FBXL7: variants seen among roughly 807,000 people sequenced by gnomAD.
FBXL7 encodes the protein F-box/LRR-repeat protein 7.
A neutral mutation model predicts 38.3 loss-of-function variants in FBXL7; 12 were observed. The observed-to-expected ratio is 0.31, with a 90% CI of 0.20 to 0.51. The LOEUF (loss-of-function observed/expected upper bound fraction) is 0.51, where lower values mean the gene tolerates loss of function less well. Ranked by LOEUF, FBXL7 falls within the 20% of genes least tolerant of loss-of-function variation. The probability of loss-of-function intolerance (pLI) is 0.98; values close to 1 mark genes in which losing one functional copy is unlikely to be tolerated. For missense variants in FBXL7, 567 were observed against 676.4 expected, an observed-to-expected ratio of 0.84 and a Z score of 1.79; for synonymous variants, 297 against 300.9, an observed-to-expected ratio of 0.99 and a Z score of 0.13.
intron 2 of FBXL7, among the ~76,000 whole-genome samples, chr5:15,766,923 T>G (rs1356919157): frequency 6.6e-6 from 1 of 152,246 alleles, no homozygotes; most frequent in Non-Finnish European, 1.5e-5. Flanking sequence ...CTAAGCAGCC[T>G]TGGTTTTCCT....
At chr5:15,641,941 T>TG (rs1741378967) in intron 2 of FBXL7, among the ~76,000 whole-genome samples, 7 of 141,522 alleles carry the variant, frequency 4.9e-5, no homozygotes, top group African/African-American at 1.9e-4. Flanking sequence ...ACATAAAACC[T>TG]TGTGTGTGTG....
intron 2 of FBXL7, among the ~76,000 whole-genome samples, chr5:15,682,666 A>G (rs1377736830): frequency 6.6e-6 from 1 of 152,188 alleles, no homozygotes; most frequent in Non-Finnish European, 1.5e-5. Context: ...TGTATTGATC[A>G]AGGAGTAATT....
At chr5:15,632,134 T>C (rs1177965919) in intron 2 of FBXL7, among the ~76,000 whole-genome samples, 1 of 152,198 alleles carries the variant, frequency 6.6e-6, no homozygotes, top group African/African-American at 2.4e-5. Flanking sequence ...TACTAGACTT[T>C]TCAGAGCTTT....
intron 2 of FBXL7, among the ~76,000 whole-genome samples, chr5:15,859,684 A>G (rs1739393094): frequency 6.6e-6 from 1 of 152,056 alleles, no homozygotes; most frequent in Non-Finnish European, 1.5e-5. Flanking sequence ...CACAGGAAAG[A>G]CCTGCCCCCA....
chr5:15,602,238 A>C (rs1329845512), intron 1 of FBXL7: 1 of 152,136 alleles, frequency 6.6e-6, no homozygotes, highest in Admixed American at 6.5e-5. Context: ...TAGTGGAAAC[A>C]AATACGGAGT....
chr5:15,666,302 T>A (rs1472770714), intron 2 of FBXL7, among the ~76,000 whole-genome samples: 1 of 152,210 alleles, frequency 6.6e-6, no homozygotes, highest in Admixed American at 6.5e-5. Flanking sequence ...AAATTTACTG[T>A]CTTAATTATG....
chr5:15,929,653 C>G (rs1465721018), intron 3 of FBXL7, among the ~76,000 whole-genome samples: 1 of 148,970 alleles, frequency 6.7e-6, no homozygotes, highest in African/African-American at 2.5e-5. Flanking sequence ...AAAGAAAAAT[C>G]GAAGGAAATC....
chr5:15,832,181 G>T (rs1302816009), intron 2 of FBXL7, among the ~76,000 whole-genome samples: 1 of 152,154 alleles, frequency 6.6e-6, no homozygotes, highest in East Asian at 1.9e-4. Context: ...TTGTTTTGAA[G>T]CTCTCCTTGT....
chr5:15,717,115 A>G (rs1297093142), intron 2 of FBXL7, among the ~76,000 whole-genome samples: 1 of 152,204 alleles, frequency 6.6e-6, no homozygotes, highest in African/African-American at 2.4e-5. Context: ...AAAGACTTAC[A>G]GATAAAGCAA....
At chr5:15,727,160 C>T (rs1419205022) in intron 2 of FBXL7, among the ~76,000 whole-genome samples, 1 of 152,026 alleles carries the variant, frequency 6.6e-6, no homozygotes, top group Non-Finnish European at 1.5e-5. Context: ...AAAATTACCT[C>T]TTTATACATT....
intron 2 of FBXL7, among the ~76,000 whole-genome samples, chr5:15,784,586 C>T (rs1737084793): frequency 6.6e-6 from 1 of 152,062 alleles, no homozygotes; most frequent in Admixed American, 6.6e-5. Context: ...GGGGATCCCT[C>T]ATGGCTTGAT....
Position 15,830,847 on chromosome 5 carries a change from T to C in FBXL7, c.128-97043T>C, listed in dbSNP as rs560199025. ...CCAGGGCAGCACCCAGTCCCAGCAC[T>C]CAGGCTCAACTCCAAATCCTCTCCC... On this transcript the variant is annotated intron_variant, in intron 2 of 3. Coordinates refer to ENST00000504595, the MANE Select transcript of FBXL7 (RefSeq NM_012304.5). 2.0e-5 allele frequency among the ~76,000 whole-genome samples: 3 copies of C among 152,210 alleles called. No homozygotes were observed. In the East Asian group the frequency reaches 5.9e-4, roughly 30 times the overall value.
chr5:15,916,990 A>G (rs997093488), intron 2 of FBXL7, among the ~76,000 whole-genome samples: 9 of 152,180 alleles, frequency 5.9e-5, no homozygotes, highest in Non-Finnish European at 5.9e-5. Flanking sequence ...CTTTTCATAG[A>G]CTCTGCCTAA....
chr5:15,751,702 CAAAG>C (rs1160017648), intron 2 of FBXL7, among the ~76,000 whole-genome samples: 1 of 152,102 alleles, frequency 6.6e-6, no homozygotes, highest in Non-Finnish European at 1.5e-5. Context: ...TAATATATGT[CAAAG>C]GGAGGGGTGC....
chr5:15,865,961 CATGTA>C (rs997232269), intron 2 of FBXL7, among the ~76,000 whole-genome samples: 1 of 152,188 alleles, frequency 6.6e-6, no homozygotes, highest in African/African-American at 2.4e-5. Flanking sequence ...GACACCAGAA[CATGTA>C]ATTCTCTAGT....
intron 2 of FBXL7, among the ~76,000 whole-genome samples, chr5:15,734,364 A>G (rs1173865562): frequency 6.6e-6 from 1 of 152,226 alleles, no homozygotes; most frequent in African/African-American, 2.4e-5. Context: ...ATCACAAGTC[A>G]TGGGTTTAAT....
chr5:15,598,241 T>C (rs12189348), intron 1 of FBXL7, among the ~76,000 whole-genome samples: 13,341 of 152,308 alleles, frequency 0.088, 680 homozygotes, highest in South Asian at 0.12. Flanking sequence ...AGATTCATCA[T>C]GTGGCTAAGT....
rs539714046 is a variant in FBXL7, at chr5:15,925,092, G to C, written c.128-2798G>C. On this transcript the variant is annotated intron_variant, in intron 2 of 3. Coordinates refer to ENST00000504595, the MANE Select transcript of FBXL7 (RefSeq NM_012304.5). ...TACTCTGTCTGAGGTGAACTGCAAA[G>C]CATATGACAAAGGATATGGGGACAC... is the stretch of plus-strand genomic sequence containing the variant. 4.6e-5 allele frequency among the ~76,000 whole-genome samples: 7 copies of C among 152,326 alleles called. No homozygotes were observed. In the East Asian group the frequency reaches 1.4e-3, roughly 29 times the overall value.
chr5:15,918,566 A>G (rs1258980410), intron 2 of FBXL7, among the ~76,000 whole-genome samples: 2 of 152,252 alleles, frequency 1.3e-5, no homozygotes, highest in Non-Finnish European at 2.9e-5. Context: ...TAAAGGAAAA[A>G]CAAAACCCAC....
Sources: allele counts gnomAD v4.1 joint callset (sites outside exome capture counted in the v4.1 genomes callset), GRCh38; gene constraint gnomAD v4.1.1; transcripts MANE v1.5; gene names NCBI Gene and HGNC (gene_info 2026-07-23, HGNC 2026-07-21).